Variants in ACOX1 observed in about 807,000 individuals in gnomAD.
ACOX1 encodes peroxisomal acyl-coenzyme A oxidase 1.
A neutral mutation model predicts 75.5 loss-of-function variants in ACOX1; 41 were observed. The ratio of observed to expected loss-of-function variants is 0.54; its 90% CI spans 0.42 to 0.70. The LOEUF is 0.70. Among genes scored for constraint, ACOX1 ranks in the 30% least tolerant of loss-of-function variants. The pLI is 0.00. For synonymous variants in ACOX1, 303 were observed against 298.8 expected (o/e 1.01, Z -0.15); for missense variants, 630 against 837.5 (o/e 0.75, Z 3.06).
At chr17:75,971,222 C>T (rs1346770771) in intron 2 of ACOX1, among the ~76,000 whole-genome samples, 1 of 148,034 alleles carries the variant, frequency 6.8e-6, no homozygotes, top group Non-Finnish European at 1.5e-5. Context: ...ACCTGGGAGG[C>T]GGAGGTTGCG....
rs770662040 is a variant in ACOX1, at chr17:75,960,184, CA to C, written c.430+30del. ...CATGGTAAGCTCACAGGGGCCCGCCCAACCCAGAAGGTAGACTGAATACTCC... is the reference window on the plus strand; with the variant it reads ...CATGGTAAGCTCACAGGGGCCCGCCCACCCAGAAGGTAGACTGAATACTCC... On this transcript the variant is annotated intron_variant, in intron 3 of 13. Transcript: ENST00000293217. This position sits in a 1 kb window ranked among gnomAD's most constrained non-coding sequence, Gnocchi z 4.4. 6.2e-7 allele frequency: 1 copy of C among 1,613,588 alleles called. No homozygotes were observed. The highest frequency in any genetic ancestry group is 8.5e-7 in the Non-Finnish European group (1 of 1,179,824).
intron 7 of ACOX1, chr17:75,953,154 A>G: frequency 3.0e-6 from 1 of 333,074 alleles, no homozygotes; most frequent in East Asian, 7.3e-5. Context: ...TGTGTTGAAC[A>G]TTTCACTTAT....
chr17:75,960,426 G>C lies in ACOX1; in HGVS notation c.270-51C>G. The C allele has an allele frequency of 6.3e-7, 1 of 1,585,666 alleles. No individual in the cohort carries two copies. Among genetic ancestry groups the C allele is most frequent in the Non-Finnish European group, 8.6e-7 (1 of 1,162,864 alleles). On this transcript the variant is annotated intron_variant, in intron 2 of 13. Coordinates refer to ENST00000293217, the MANE Select transcript of ACOX1 (RefSeq NM_004035.7). This position sits in a 1 kb window ranked among gnomAD's most constrained non-coding sequence, Gnocchi z 4.4. ...ATTTGAGAGAAGAGTCATCAGGTGT[G>C]AGAGAATCAGCAATTTAAATAGAGC...
chr17:75,955,455 G>T, intron 6 of ACOX1, 111 bp downstream of exon 6: 1 of 894,898 alleles, frequency 1.1e-6, no homozygotes, highest in Non-Finnish European at 1.8e-6. Flanking sequence ...ATGCCAGTGT[G>T]CCCTGCTGTT....
At chr17:75,957,416 C>A in intron 4 of ACOX1, 43 bp downstream of exon 4, 2 of 1,530,448 alleles carry the variant, frequency 1.3e-6, no homozygotes, top group South Asian at 1.1e-5. Flanking sequence ...AATCTCATGA[C>A]AAACCTTCAA....
chr17:75,944,742 T>A lies in ACOX1; in HGVS notation c.*2006A>T, dbSNP rs2065704446. On this transcript the variant is annotated 3_prime_UTR_variant, in exon 14 of 14. Coordinates refer to ENST00000293217, the MANE Select transcript of ACOX1 (RefSeq NM_004035.7). ...AATAAAAATAGCATCAAATGTCAGATTTAGATTTTTTTTTTGAGACGGAGT... is the reference window on the plus strand; with the variant it reads ...AATAAAAATAGCATCAAATGTCAGAATTAGATTTTTTTTTTGAGACGGAGT... 1 of 152,078 alleles carries A rather than the reference T, an allele frequency of 6.6e-6. No homozygotes were observed. Among genetic ancestry groups the A allele is most frequent in the Non-Finnish European group, 1.5e-5 (1 of 68,016 alleles). The allele number at this position is 152,078 out of a possible 1,614,324, so 9.4% of individuals were successfully genotyped here. A position where few individuals can be genotyped will look rare whatever the true frequency, so the allele number is the denominator to read the frequency against.
intron 2 of ACOX1, chr17:75,973,879 G>A (rs893614295): frequency 3.8e-6 from 5 of 1,327,912 alleles, no homozygotes; most frequent in Non-Finnish European, 5.3e-6. Flanking sequence ...TCAAGGAGAA[G>A]GTCAGGAAAA....
In ACOX1 at chr17:75,968,423, G is replaced by A. The variant is rs1229399121; in HGVS notation, c.270-8048C>T. ...TGCACTCCAGCCTGGGCGACAGAGC[G>A]AGACTCCGTCTCAAAAAAAAAAAAA... On this transcript the variant is annotated intron_variant, in intron 2 of 13. Coordinates refer to ENST00000293217, the MANE Select transcript of ACOX1 (RefSeq NM_004035.7). Among the ~76,000 whole-genome samples the A allele has an allele frequency of 5.1e-5, 4 of 79,000 alleles. 1 individual carries two copies. The highest frequency in any genetic ancestry group is 3.3e-4 in the Admixed American group (3 of 9,166). The allele number at this position is 79,000 out of a possible 152,430, so 51.8% of individuals were successfully genotyped here.
At chr17:75,969,840 TAAAG>T (rs767719159) in intron 2 of ACOX1, among the ~76,000 whole-genome samples, 11 of 151,644 alleles carry the variant, frequency 7.3e-5, no homozygotes, top group East Asian at 3.9e-4. Context: ...GGGTGAGGAA[TAAAG>T]AAAGAAAGGA....
intron 4 of ACOX1, 24 bp downstream of exon 4, chr17:75,957,435 A>G: frequency 2.5e-6 from 4 of 1,579,990 alleles, no homozygotes; most frequent in Non-Finnish European, 3.5e-6. Context: ...AAAACATCCA[A>G]TAAATGCTGA....
At chr17:75,953,666 G>T (rs1195786101) in intron 6 of ACOX1, 46 bp from the exon 7 acceptor site, 1 of 1,610,572 alleles carries the variant, frequency 6.2e-7, no homozygotes, top group South Asian at 1.1e-5. Context: ...TTAAGCCCAA[G>T]AGGCAGTTCA....
At chr17:75,967,242 G>A (rs2065940693) in intron 2 of ACOX1, among the ~76,000 whole-genome samples, 1 of 152,036 alleles carries the variant, frequency 6.6e-6, no homozygotes, top group Non-Finnish European at 1.5e-5. Flanking sequence ...AGACCGAGGC[G>A]GGTGGATCAC....
At chr17:75,948,562 T>G in intron 12 of ACOX1, 105 bp from the exon 13 acceptor site, 1 of 1,105,810 alleles carries the variant, frequency 9.0e-7, no homozygotes, top group Non-Finnish European at 1.3e-6. Context: ...TTTTTTCTTT[T>G]TTTTTTTTTG....
chr17:75,954,534 A>AAAGG (rs1555617027), intron 6 of ACOX1, among the ~76,000 whole-genome samples: 3 of 142,620 alleles, frequency 2.1e-5, no homozygotes, highest in African/African-American at 8.2e-5. Context: ...AAAAAAAAAA[A>AAAGG]GGGGCATCAG....
chr17:75,960,144 G>A lies in ACOX1; in HGVS notation c.430+71C>T. On this transcript the variant is annotated intron_variant, in intron 3 of 13. Transcript: ENST00000293217. The surrounding 1 kb of genome is among the most constrained non-coding windows in gnomAD (Gnocchi z 4.4). ...CATCGACACACCATCGATGGCACAT[G>A]GTGGGCACTCCACACATGGTAAGCT... 2 of 1,584,524 alleles carry A rather than the reference G, an allele frequency of 1.3e-6. No homozygotes were observed. The highest frequency in any genetic ancestry group is 2.2e-5 in the East Asian group (1 of 44,616).
At chr17:75,972,978 A>C (rs1431194601) in intron 2 of ACOX1, among the ~76,000 whole-genome samples, 1 of 152,222 alleles carries the variant, frequency 6.6e-6, no homozygotes, top group East Asian at 1.9e-4. Flanking sequence ...CAAACCTGCC[A>C]ATGGCCTTGT....
chr17:75,968,747 AC>A (rs2065965432), intron 2 of ACOX1, among the ~76,000 whole-genome samples: 1 of 151,212 alleles, frequency 6.6e-6, no homozygotes, highest in South Asian at 2.1e-4. Flanking sequence ...ACATGGAGAA[AC>A]CCCGTCTCTA....
chr17:75,962,189 C>T (rs1232736313), intron 2 of ACOX1, among the ~76,000 whole-genome samples: 1 of 152,038 alleles, frequency 6.6e-6, no homozygotes, highest in Non-Finnish European at 1.5e-5. Context: ...TAATTTATTT[C>T]AGAAATTAAA....
In ACOX1 at chr17:75,979,124, A is replaced by G; in HGVS notation, c.-51T>C. 6.2e-7 allele frequency: 1 copy of G among 1,602,880 alleles called. No homozygotes were observed. Among genetic ancestry groups the G allele is most frequent in the Non-Finnish European group, 8.5e-7 (1 of 1,179,202 alleles). Reference sequence around the variant, plus strand: ...AAGCACCGACCGAGGTGGCAGTGACAATCTAAATCCGCAGCTCCAGCGCCG... The same window carrying G: ...AAGCACCGACCGAGGTGGCAGTGACGATCTAAATCCGCAGCTCCAGCGCCG... On this transcript the variant is annotated 5_prime_UTR_variant, in exon 1 of 14. Coordinates refer to ENST00000293217, the MANE Select transcript of ACOX1 (RefSeq NM_004035.7).
Sources: gnomAD v4.1 joint callset for allele counts (sites outside exome capture counted in the v4.1 genomes callset) on GRCh38, gnomAD v4.1.1 for gene constraint, Gnocchi (gnomAD v3.1) non-coding constraint, MANE v1.5 for transcripts, NCBI Gene and HGNC (gene_info 2026-07-23, HGNC 2026-07-21) for gene names.